Variants in RAD51B observed in about 807,000 individuals in gnomAD.
RAD51B encodes DNA repair protein RAD51 homolog 2.
RAD51B carries 38 observed loss-of-function variants against 42.2 expected under a neutral mutation model. The observed-to-expected ratio is 0.90, with a 90% confidence interval of 0.70 to 1.18. RAD51B has a LOEUF of 1.18. Ranked by LOEUF, RAD51B falls within the 50% of genes most tolerant of loss-of-function variation. The probability of loss-of-function intolerance (pLI) is 0.00; values close to 1 mark genes in which losing one functional copy is unlikely to be tolerated. For synonymous variants in RAD51B, 154 were observed against 145.2 expected, an observed-to-expected ratio of 1.06 and a Z score of -0.43; for missense variants, 373 against 400.7, an observed-to-expected ratio of 0.93 and a Z score of 0.59.
At chr14:68,373,101 A>G (rs1036073398) in intron 8 of RAD51B, among the ~76,000 whole-genome samples, 1 of 152,268 alleles carries the variant, frequency 6.6e-6, no homozygotes, top group East Asian at 1.9e-4. Context: ...TGAATCTCAC[A>G]AGTAAATGAA....
Position 68,019,424 on chromosome 14 carries a change from C to T in RAD51B, c.756+132220C>T, listed in dbSNP as rs182717413. 8.5e-5 allele frequency among the ~76,000 whole-genome samples: 13 copies of T among 152,072 alleles called. No individual in the cohort carries two copies. The East Asian group carries it at 1.7e-3, about 20-fold the overall frequency. ...ATGATCATGGTTGACAAAAGTATAG[C>T]GCTGAACATAAGACATGCTAGGAAG... On this transcript the variant is annotated intron_variant, in intron 7 of 10. Transcript: ENST00000471583.
intron 7 of RAD51B, among the ~76,000 whole-genome samples, chr14:68,135,243 A>G (rs2077983691): frequency 1.3e-5 from 2 of 152,230 alleles, no homozygotes; most frequent in Admixed American, 1.3e-4. Context: ...TTTGAGTTTC[A>G]GCAAGATTTA....
intron 10 of RAD51B, among the ~76,000 whole-genome samples, chr14:68,499,396 T>A (rs1471929039): frequency 1.3e-5 from 2 of 152,180 alleles, no homozygotes; most frequent in Admixed American, 1.3e-4. Context: ...GAAGCACTGA[T>A]GTTACCATGG....
intron 5 of RAD51B, among the ~76,000 whole-genome samples, chr14:67,882,989 C>T (rs995031085): frequency 6.6e-6 from 1 of 152,238 alleles, no homozygotes; most frequent in Non-Finnish European, 1.5e-5. Flanking sequence ...AGGTGATCCG[C>T]CTGCCTTGGC....
In RAD51B at chr14:68,545,073, C is replaced by A. The variant is rs375960324; in HGVS notation, c.1037-49412C>A. On this transcript the variant is annotated intron_variant, in intron 10 of 10. Coordinates refer to the RAD51B transcript ENST00000487270. ...TGAATGGGGTTGGTTCTTCACAGAT[C>A]ATGTAAAGGGACAGGCTTAGCCCTA... Among the ~76,000 whole-genome samples the A allele has an allele frequency of 6.6e-5, 10 of 152,292 alleles. No homozygotes were observed. In the East Asian group the frequency reaches 1.9e-3, roughly 29 times the overall value.
intron 10 of RAD51B, among the ~76,000 whole-genome samples, chr14:68,564,118 A>C (rs1053073829): frequency 1.5e-4 from 23 of 152,008 alleles, no homozygotes; most frequent in Non-Finnish European, 3.1e-4. Flanking sequence ...GAAAGGGGTG[A>C]TTTGCGTCTT....
At chr14:68,546,829 G>GT (rs1356415757) in intron 10 of RAD51B, among the ~76,000 whole-genome samples, 1 of 152,144 alleles carries the variant, frequency 6.6e-6, no homozygotes, top group Non-Finnish European at 1.5e-5. Context: ...AATGGGAGCT[G>GT]TTATCTTGGG....
intron 7 of RAD51B, among the ~76,000 whole-genome samples, chr14:68,158,030 C>G (rs541456597): frequency 1.3e-5 from 2 of 152,134 alleles, no homozygotes; most frequent in African/African-American, 2.4e-5. Context: ...AGCTTTTGCC[C>G]TGATTTATCC....
chr14:68,327,766 TA>T (rs1258004784), intron 8 of RAD51B, among the ~76,000 whole-genome samples: 2 of 152,152 alleles, frequency 1.3e-5, no homozygotes, highest in African/African-American at 4.8e-5. Flanking sequence ...AAAGTCAACT[TA>T]TAAGTACAAA....
chr14:68,032,066 T>C (rs2076055009), intron 7 of RAD51B, among the ~76,000 whole-genome samples: 1 of 152,164 alleles, frequency 6.6e-6, no homozygotes, highest in Admixed American at 6.5e-5. Context: ...TTTGTGTCTG[T>C]TACTATGAAA....
At chr14:68,125,616 G>GA (rs1423414860) in intron 7 of RAD51B, among the ~76,000 whole-genome samples, 2 of 151,948 alleles carry the variant, frequency 1.3e-5, no homozygotes, top group African/African-American at 2.4e-5. Flanking sequence ...CAGGTTTGTA[G>GA]AAAAAAAATC....
At chr14:68,168,082 A>G (rs1337994238) in intron 7 of RAD51B, among the ~76,000 whole-genome samples, 2 of 152,266 alleles carry the variant, frequency 1.3e-5, no homozygotes, top group African/African-American at 4.8e-5. Flanking sequence ...TTTTGACACT[A>G]GATTTTATTG....
At chr14:67,918,532 G>C (rs954231402) in intron 7 of RAD51B, among the ~76,000 whole-genome samples, 1 of 152,214 alleles carries the variant, frequency 6.6e-6, no homozygotes, top group Non-Finnish European at 1.5e-5. Context: ...ACTGTGCTCA[G>C]CTAAGGGAAA....
intron 7 of RAD51B, among the ~76,000 whole-genome samples, chr14:68,037,823 A>C (rs1378960927): frequency 1.3e-5 from 2 of 152,216 alleles, no homozygotes; most frequent in Non-Finnish European, 2.9e-5. Flanking sequence ...TTTTGTAGAG[A>C]TAAACAATGT....
At chr14:67,956,748 A>G (rs1003711201) in intron 7 of RAD51B, among the ~76,000 whole-genome samples, 1 of 152,232 alleles carries the variant, frequency 6.6e-6, no homozygotes, top group African/African-American at 2.4e-5. Flanking sequence ...TATGTTAACC[A>G]CTAACTGTAT....
chr14:67,949,983 T>A (rs796195552), intron 7 of RAD51B, among the ~76,000 whole-genome samples: 1 of 152,156 alleles, frequency 6.6e-6, no homozygotes, highest in Non-Finnish European at 1.5e-5. Context: ...TAAACAGATG[T>A]CCTGTCATCC....
intron 8 of RAD51B, among the ~76,000 whole-genome samples, chr14:68,361,514 TCTACACCCA>T (rs1452985911): frequency 6.6e-6 from 1 of 152,208 alleles, no homozygotes; most frequent in East Asian, 1.9e-4. Flanking sequence ...TTTCTCTTCT[TCTACACCCA>T]ATATCATCAT....
chr14:68,383,745 G>A (rs1404100716), intron 8 of RAD51B, among the ~76,000 whole-genome samples: 1 of 152,094 alleles, frequency 6.6e-6, no homozygotes, highest in East Asian at 1.9e-4. Context: ...TTCTTCACCT[G>A]TGCATTCTGC....
chr14:68,023,194 A>G (rs1409884690), intron 7 of RAD51B, among the ~76,000 whole-genome samples: 1 of 152,194 alleles, frequency 6.6e-6, no homozygotes, highest in Non-Finnish European at 1.5e-5. Context: ...TACTGGGCCA[A>G]TTGACAGCTC....
Sources: allele counts gnomAD v4.1 joint callset (sites outside exome capture counted in the v4.1 genomes callset), GRCh38; gene constraint gnomAD v4.1.1; transcripts MANE v1.5; gene names NCBI Gene and HGNC (gene_info 2026-07-23, HGNC 2026-07-21).